ACAD10: variants seen among roughly 807,000 people sequenced by gnomAD.
The protein encoded by ACAD10 is acyl-CoA dehydrogenase family member 10, also known as ACAD-10.
A neutral mutation model predicts 116.8 loss-of-function variants in ACAD10; 112 were observed. That is an observed-to-expected ratio of 0.96 (90% confidence interval 0.82 to 1.12). The LOEUF (loss-of-function observed/expected upper bound fraction) is 1.12. Among genes scored for constraint, ACAD10 ranks in the 50% most tolerant of loss-of-function variants. The pLI is 0.00. For missense variants in ACAD10, 1,259 were observed against 1,350.2 expected (o/e 0.93, Z 1.06); for synonymous variants, 486 against 510.6 (o/e 0.95, Z 0.65).
intron 8 of ACAD10, among the ~76,000 whole-genome samples, chr12:111,723,726 C>T (rs970943070): frequency 6.7e-6 from 1 of 149,564 alleles, no homozygotes; most frequent in African/African-American, 2.5e-5. Context: ...GGCTGCCCGG[C>T]GGAGACGCTC....
chr12:111,694,187 CT>C (rs992426452), intron 2 of ACAD10, among the ~76,000 whole-genome samples: 9 of 152,214 alleles, frequency 5.9e-5, no homozygotes, highest in Non-Finnish European at 1.2e-4. Context: ...GCCGTGCTAA[CT>C]GGCTGCACAA....
At chr12:111,710,433 G>A in intron 5 of ACAD10, 2 of 331,728 alleles carry the variant, frequency 6.0e-6, no homozygotes, top group South Asian at 4.4e-5. Context: ...TGATGGGCCT[G>A]TAGGGTAAGA....
chr12:111,709,881 G>A (rs998993838), intron 5 of ACAD10, 197 bp downstream of exon 5: 3 of 613,090 alleles, frequency 4.9e-6, no homozygotes, highest in Non-Finnish European at 8.1e-6. Flanking sequence ...AGACAAACAG[G>A]TACTGCGAAG....
chr12:111,689,996 T>A (rs1183356510), intron 1 of ACAD10, among the ~76,000 whole-genome samples: 4 of 152,230 alleles, frequency 2.6e-5, no homozygotes, highest in Non-Finnish European at 5.9e-5. Flanking sequence ...ATTACAGGCG[T>A]GAGCCACTGC....
chr12:111,733,036 C>G (rs1332534373), intron 10 of ACAD10, among the ~76,000 whole-genome samples: 1 of 152,176 alleles, frequency 6.6e-6, no homozygotes, highest in Non-Finnish European at 1.5e-5. Flanking sequence ...GCCTCTCTTT[C>G]TGTCTCTTTG....
chr12:111,744,662 T>C lies in ACAD10; in HGVS notation c.1734T>C (p.Tyr578=), dbSNP rs939575787. The C allele has an allele frequency of 6.2e-6, 10 of 1,613,952 alleles. No homozygotes were observed. Among genetic ancestry groups the C allele is most frequent in the South Asian group, 2.2e-5 (2 of 91,048 alleles). The change falls in exon 13 of 21, where the codon TAT becomes TAC. Residue 578 remains tyrosine, a synonymous_variant. Transcript: ENST00000313698. ...GCTTAGGGCAAGCAAGCTCCACATA[T>C]GCGGAACAAACTGGAAAGCTGACCG... The part of the protein sequence containing the change: ...RSLTGQASST[Y]AEQTGKLTEF...
At chr12:111,751,819 G>A (rs1230413781) in intron 18 of ACAD10, among the ~76,000 whole-genome samples, 1 of 152,134 alleles carries the variant, frequency 6.6e-6, no homozygotes, top group Non-Finnish European at 1.5e-5. Flanking sequence ...AGCACTTTGG[G>A]AGGCCGAGGT....
intron 14 of ACAD10, 109 bp downstream of exon 14, chr12:111,746,393 T>TC: frequency 9.4e-7 from 1 of 1,059,672 alleles, no homozygotes; most frequent in Non-Finnish European, 1.3e-6. Flanking sequence ...AACTTGAACT[T>TC]TTTTTTTTTT....
intron 13 of ACAD10, chr12:111,745,381 C>T (rs967712316): frequency 3.8e-5 from 14 of 372,516 alleles, no homozygotes; most frequent in Middle Eastern, 7.1e-4. Context: ...ATAAATCTCT[C>T]TCTAGAGAAC....
intron 7 of ACAD10, among the ~76,000 whole-genome samples, chr12:111,720,647 C>G (rs1232301889): frequency 6.6e-6 from 1 of 152,158 alleles, no homozygotes; most frequent in Non-Finnish European, 1.5e-5. Flanking sequence ...GCTTCCATTT[C>G]CATCCTTGTT....
chr12:111,708,328 C>A (rs567215230), intron 4 of ACAD10, among the ~76,000 whole-genome samples: 5 of 152,256 alleles, frequency 3.3e-5, no homozygotes, highest in South Asian at 4.1e-4. Context: ...CCCATCCCCC[C>A]CAATTCCCTC....
chr12:111,718,894 C>T (rs1207965851), intron 7 of ACAD10, among the ~76,000 whole-genome samples: 1 of 151,974 alleles, frequency 6.6e-6, no homozygotes, highest in Non-Finnish European at 1.5e-5. Context: ...CACCTGAGGT[C>T]AGGAGTTCAA....
intron 2 of ACAD10, among the ~76,000 whole-genome samples, chr12:111,697,938 CTT>C (rs1182061843): frequency 5.5e-5 from 7 of 126,376 alleles, no homozygotes; most frequent in Non-Finnish European, 8.5e-5. Context: ...GAGGTTGCGC[CTT>C]TTTTTTTTTT....
chr12:111,724,772 A>G (rs1384179580), intron 8 of ACAD10, among the ~76,000 whole-genome samples: 1 of 150,874 alleles, frequency 6.6e-6, no homozygotes, highest in Non-Finnish European at 1.5e-5. Flanking sequence ...TCGGCATGAG[A>G]GGGAGACCGT....
At chr12:111,708,844 C>T (rs748989537) in intron 4 of ACAD10, among the ~76,000 whole-genome samples, 42 of 152,108 alleles carry the variant, frequency 2.8e-4, no homozygotes, top group South Asian at 6.2e-4. Context: ...CCTGAACTCT[C>T]ACCAGCACCC....
At chr12:111,730,624 G>A (rs994115799) in intron 10 of ACAD10, among the ~76,000 whole-genome samples, 10 of 151,792 alleles carry the variant, frequency 6.6e-5, no homozygotes, top group African/African-American at 1.7e-4. Context: ...TTTCTGCTTC[G>A]CAGCACCTGG....
At position 111,746,183 on chromosome 12, in the gene ACAD10, C is replaced by A. The variant is rs1889891565; in HGVS notation, c.2155C>A (p.Pro719Thr). ...KAEGLWNLFL[P>T]LEADPEKKYG... is the part of the protein sequence containing the mutation. Reference sequence around the variant, plus strand: ...TGAAGGACTTTGGAACCTTTTCCTACCCTTAGAGGCTGATCCCGAGAAAAA... The same window carrying A: ...TGAAGGACTTTGGAACCTTTTCCTAACCTTAGAGGCTGATCCCGAGAAAAA... Residue 719 changes from proline (P) to threonine (T), a missense_variant, in exon 14 of 21, where the codon CCC becomes ACC. Transcript: ENST00000313698. 1 of 1,613,852 alleles carries A rather than the reference C, an allele frequency of 6.2e-7. No homozygotes were observed. The highest frequency in any genetic ancestry group is 8.5e-7 in the Non-Finnish European group (1 of 1,180,000).
At position 111,755,685 on chromosome 12, in the gene ACAD10, A is replaced by T; in HGVS notation, c.2979A>T (p.Ile993=). 1 of 1,613,814 alleles carries T rather than the reference A, an allele frequency of 6.2e-7. No homozygotes were observed. The highest frequency in any genetic ancestry group is 2.2e-5 in the East Asian group (1 of 44,862). ...CCTTACAGGCTGCAGCCTTGGATAT[A>T]GCCATGATTAAAATGGTCGCCCCGT... ...LAGNKAAALD[I]AMIKMVAPSM... The change falls in exon 20 of 21, where the codon ATA becomes ATT. Residue 993 remains isoleucine (I), a synonymous_variant. Transcript: ENST00000313698.
intron 5 of ACAD10, chr12:111,710,282 T>A (rs1294728178): frequency 2.2e-6 from 1 of 454,132 alleles, no homozygotes; most frequent in Admixed American, 2.4e-5. Context: ...GAGACAGGGT[T>A]TTGCCGTGTT....
Sources: gnomAD v4.1 joint callset for allele counts (sites outside exome capture counted in the v4.1 genomes callset) on GRCh38, gnomAD v4.1.1 for gene constraint, MANE v1.5 for transcripts, NCBI Gene and HGNC (gene_info 2026-07-23, HGNC 2026-07-21) for gene names.